NCAM2: variants seen among roughly 807,000 people sequenced by gnomAD.
NCAM2 encodes N-CAM-2.
Under a neutral mutation model 98.1 loss-of-function variants are expected in NCAM2, and 30 were observed. The observed-to-expected ratio is 0.31, with a 90% confidence interval of 0.23 to 0.41. The LOEUF (loss-of-function observed/expected upper bound fraction) is 0.41. Ranked by LOEUF, NCAM2 falls within the 10% of genes least tolerant of loss-of-function variation. The probability of loss-of-function intolerance (pLI) is 1.00; values close to 1 mark genes in which losing one functional copy is unlikely to be tolerated. For synonymous variants in NCAM2, 368 were observed against 342.4 expected (o/e 1.07, Z -0.83); for missense variants, 867 against 1,005.8 (o/e 0.86, Z 1.87).
intron 1 of NCAM2, among the ~76,000 whole-genome samples, chr21:21,213,582 G>A (rs533427733): frequency 1.3e-5 from 2 of 152,200 alleles, no homozygotes; most frequent in East Asian, 1.9e-4. Flanking sequence ...TCACATTACA[G>A]CGTTTTTATG....
intron 9 of NCAM2, among the ~76,000 whole-genome samples, chr21:21,378,794 C>A (rs1391654319): frequency 1.3e-5 from 2 of 151,966 alleles, no homozygotes; most frequent in Non-Finnish European, 2.9e-5. Flanking sequence ...TGACAAAAAA[C>A]TTCTGCAAAG....
In NCAM2 at chr21:20,998,432, G is replaced by A; in HGVS notation, c.-132G>A. ...TCACTTTGCGAGGAGGAGCGCGCGG[G>A]CTGCGGGCGGCTGGGGCACCGCGGG... is the stretch of plus-strand genomic sequence containing the variant. On this transcript the variant is annotated 5_prime_UTR_variant, in exon 1 of 18. Transcript: ENST00000400546. 1 of 738,120 alleles carries A rather than the reference G, an allele frequency of 1.4e-6. No homozygotes were observed. Among genetic ancestry groups the A allele is most frequent in the Non-Finnish European group, 2.2e-6 (1 of 461,182 alleles). 45.7% of individuals were successfully genotyped at this position (738,120 alleles called of 1,614,324 possible).
intron 1 of NCAM2, among the ~76,000 whole-genome samples, chr21:21,265,007 C>CCTATATATTATATATGTGTATGTGT (rs2072115641): frequency 1.0e-5 from 1 of 97,392 alleles, no homozygotes; most frequent in Non-Finnish European, 2.0e-5. Flanking sequence ...TATATATACA[C>CCTATATATTATATATGTGTATGTGT]ATATATATTA....
intron 15 of NCAM2, among the ~76,000 whole-genome samples, chr21:21,500,540 CT>C (rs35543568): frequency 0.41 from 62,212 of 151,806 alleles, 14,125 homozygotes; most frequent in Middle Eastern, 0.56. Flanking sequence ...TTTCATTTTC[CT>C]TTTTTTCTAC....
chr21:21,533,082 T>G (rs1989794415), intron 16 of NCAM2, among the ~76,000 whole-genome samples: 1 of 151,954 alleles, frequency 6.6e-6, no homozygotes, highest in African/African-American at 2.4e-5. Flanking sequence ...GTGTTTTATA[T>G]CCTTAGTGTT....
At chr21:21,166,526 A>G (rs1303093797) in intron 1 of NCAM2, among the ~76,000 whole-genome samples, 2 of 152,092 alleles carry the variant, frequency 1.3e-5, no homozygotes, top group Non-Finnish European at 2.9e-5. Context: ...GACTTATACA[A>G]TGATAAGTTT....
At chr21:21,215,533 A>G (rs1362119594) in intron 1 of NCAM2, among the ~76,000 whole-genome samples, 1 of 152,214 alleles carries the variant, frequency 6.6e-6, no homozygotes, top group East Asian at 1.9e-4. Context: ...AGACTGGCCA[A>G]CATGGTGAAA....
At chr21:21,336,445 T>A (rs2074872053) in intron 7 of NCAM2, among the ~76,000 whole-genome samples, 1 of 151,758 alleles carries the variant, frequency 6.6e-6, no homozygotes, top group Non-Finnish European at 1.5e-5. Context: ...GGGATAGCAT[T>A]TGGAGATATA....
intron 1 of NCAM2, among the ~76,000 whole-genome samples, chr21:21,152,394 CTGCT>C (rs1316396022): frequency 4.0e-5 from 6 of 148,962 alleles, no homozygotes; most frequent in African/African-American, 1.5e-4. Context: ...ATATTTTCTC[CTGCT>C]TGTGGGTCAC....
intron 1 of NCAM2, among the ~76,000 whole-genome samples, chr21:21,213,616 T>C (rs1042844029): frequency 1.3e-5 from 2 of 152,172 alleles, no homozygotes; most frequent in Non-Finnish European, 2.9e-5. Flanking sequence ...AAAGGAATAC[T>C]GTTCTTCTGT....
chr21:21,306,420 A>G (rs886268182), intron 5 of NCAM2, among the ~76,000 whole-genome samples: 2 of 152,160 alleles, frequency 1.3e-5, no homozygotes, highest in Admixed American at 1.3e-4. Context: ...CGTCTTTCTC[A>G]TTAGGAATTG....
intron 16 of NCAM2, 88 bp downstream of exon 16, chr21:21,509,143 GGAGTAGGGTAAA>G (rs1988197053): frequency 7.7e-7 from 1 of 1,291,412 alleles, no homozygotes; most frequent in Non-Finnish European, 1.1e-6. Flanking sequence ...GTAGGGTAAA[GGAGTAGGGTAAA>G]GAGTTTGATT....
In NCAM2 at chr21:21,383,958, C is replaced by G. The variant is rs576842255; in HGVS notation, c.1195+9945C>G. On this transcript the variant is annotated intron_variant, in intron 9 of 17. Coordinates refer to ENST00000400546, the MANE Select transcript of NCAM2 (RefSeq NM_004540.5). ...CTTTTCTTTCTGTCAGTGTATCAGTCCTTTGGACAGTCAATTTTGTTTAAT... is the reference window on the plus strand; with the variant it reads ...CTTTTCTTTCTGTCAGTGTATCAGTGCTTTGGACAGTCAATTTTGTTTAAT... Among the ~76,000 whole-genome samples the G allele has an allele frequency of 5.9e-5, 9 of 152,026 alleles. No homozygotes were observed. In the East Asian group the frequency reaches 1.7e-3, roughly 29 times the overall value.
chr21:21,364,336 A>G (rs1227845649), intron 8 of NCAM2, among the ~76,000 whole-genome samples: 1 of 151,980 alleles, frequency 6.6e-6, no homozygotes, highest in Admixed American at 6.6e-5. Context: ...AGCTCACAAT[A>G]TAGATATATT....
rs761246077 is a variant in NCAM2 at position 21,284,201 on chromosome 21, T to C, written c.138T>C (p.Gly46=). Residue 46 remains glycine (G), a synonymous_variant, in exon 3 of 18, where the codon GGT becomes GGC. Coordinates refer to ENST00000400546, the MANE Select transcript of NCAM2 (RefSeq NM_004540.5). ...ESKFFTCTAI[G]EPESIDWYNP... ...TTCCATGGCTCTTTGCAGCGATTGG[T>C]GAACCTGAAAGTATAGATTGGTATA... 3.7e-6 allele frequency: 6 copies of C among 1,610,640 alleles called. No individual in the cohort carries two copies. In the African/African-American group the frequency reaches 8.0e-5, roughly 22 times the overall value.
chr21:21,506,779 T>C, intron 15 of NCAM2, among the ~76,000 whole-genome samples: 1 of 152,140 alleles, frequency 6.6e-6, no homozygotes, highest in East Asian at 1.9e-4. Flanking sequence ...TAAAATTTGG[T>C]ATAGGAAGGT....
At chr21:21,480,333 C>G (rs1296588037) in intron 15 of NCAM2, among the ~76,000 whole-genome samples, 1 of 141,388 alleles carries the variant, frequency 7.1e-6, no homozygotes, top group Non-Finnish European at 1.5e-5. Flanking sequence ...CGCCACTGCA[C>G]TCCAGCCTGG....
At chr21:21,514,345 G>A (rs982424029) in intron 16 of NCAM2, among the ~76,000 whole-genome samples, 1 of 151,212 alleles carries the variant, frequency 6.6e-6, no homozygotes, top group African/African-American at 2.4e-5. Context: ...GCATGGTGGT[G>A]GGTGCCTGTA....
intron 12 of NCAM2, among the ~76,000 whole-genome samples, chr21:21,462,336 A>G (rs1179051013): frequency 6.6e-6 from 1 of 152,064 alleles, no homozygotes; most frequent in Non-Finnish European, 1.5e-5. Context: ...AAGGAAAGAG[A>G]ACATGAATAA....
Sources: gnomAD v4.1 joint callset for allele counts (sites outside exome capture counted in the v4.1 genomes callset) on GRCh38, gnomAD v4.1.1 for gene constraint, MANE v1.5 for transcripts, NCBI Gene and HGNC (gene_info 2026-07-23, HGNC 2026-07-21) for gene names.